The following NOS1 variants were observed in gnomAD, a reference collection of about 807,000 sequenced individuals.
The protein encoded by NOS1 is nitric oxide synthase 1.
NOS1 carries 51 observed loss-of-function variants against 164.5 expected under a neutral mutation model. That is an observed-to-expected ratio of 0.31 (90% CI 0.25 to 0.39). NOS1 has a LOEUF of 0.39. Among genes scored for constraint, NOS1 ranks in the 10% least tolerant of loss-of-function variants. NOS1 has a pLI of 1.00. For missense variants in NOS1, 1,362 were observed against 1,885.6 expected, an observed-to-expected ratio of 0.72 and a Z score of 5.14; for synonymous variants, 719 against 745.8, an observed-to-expected ratio of 0.96 and a Z score of 0.59.
intron 22 of NOS1, among the ~76,000 whole-genome samples, chr12:117,229,592 CTA>C (rs1491112155): frequency 6.6e-6 from 1 of 151,974 alleles, no homozygotes; most frequent in Non-Finnish European, 1.5e-5. Context: ...ATCTATCTAT[CTA>C]TCTATCTATC....
intron 8 of NOS1, among the ~76,000 whole-genome samples, chr12:117,280,522 AG>A (rs1370686054): frequency 3.3e-5 from 5 of 152,184 alleles, no homozygotes; most frequent in African/African-American, 1.2e-4. Context: ...GGGCTGAGTG[AG>A]GTAATGGCAT....
chr12:117,224,422 A>G (rs1217238339), intron 25 of NOS1, among the ~76,000 whole-genome samples: 2 of 151,978 alleles, frequency 1.3e-5, no homozygotes, highest in African/African-American at 2.4e-5. Context: ...AGCAGCTGGG[A>G]CTACATGTGC....
At chr12:117,325,254 C>T (rs114761257) in intron 2 of NOS1, among the ~76,000 whole-genome samples, 4 of 152,150 alleles carry the variant, frequency 2.6e-5, no homozygotes, top group African/African-American at 9.7e-5. Context: ...TCCAGGCAGC[C>T]GTGTGCTCTA....
Position 117,247,494 on chromosome 12 carries a change from C to A in NOS1, c.2677G>T (p.Ala893Ser). The A allele has an allele frequency of 1.2e-6, 2 of 1,611,282 alleles. No individual in the cohort carries two copies. Among genetic ancestry groups the A allele is most frequent in the Non-Finnish European group, 1.7e-6 (2 of 1,178,944 alleles). The stretch of plus-strand genomic sequence containing the variant: ...CCGAAGGCGCAAAAGTGAGGGTATG[C>A]TCGTGAGCCGAGGCCAAAAACTGAG... ...RFSVFGLGSR[A>S]YPHFCAFGHA... is the part of the protein sequence containing the mutation. The change falls in exon 18 of 29, where the codon GCA becomes TCA. Residue 893 changes from alanine to serine, a missense_variant. Physicochemically the swap from Ala to Ser is moderately conservative, Grantham distance 99. Coordinates refer to ENST00000317775, the MANE Select transcript of NOS1 (RefSeq NM_000620.5).
At chr12:117,257,208 G>A (rs1050728499) in intron 16 of NOS1, among the ~76,000 whole-genome samples, 2 of 151,820 alleles carry the variant, frequency 1.3e-5, no homozygotes, top group Non-Finnish European at 1.5e-5. Context: ...CTCAGCCTCT[G>A]GAGTAGCTGG....
intron 23 of NOS1, 136 bp downstream of exon 23, chr12:117,227,295 C>A (rs1160535621): frequency 1.1e-5 from 9 of 805,130 alleles, no homozygotes; most frequent in African/African-American, 1.7e-5. Flanking sequence ...GCTTCTTCCC[C>A]CAGCTTTCTG....
chr12:117,275,153 C>T (rs1004272246), intron 9 of NOS1, among the ~76,000 whole-genome samples: 23 of 151,692 alleles, frequency 1.5e-4, no homozygotes, highest in Admixed American at 3.3e-4. Flanking sequence ...TATATACACA[C>T]ATATATATAT....
chr12:117,273,895 A>AATGCTTCAGCAT (rs149160291), intron 9 of NOS1, among the ~76,000 whole-genome samples: 1 of 151,812 alleles, frequency 6.6e-6, no homozygotes, highest in Non-Finnish European at 1.5e-5. Flanking sequence ...ACATCAGGGA[A>AATGCTTCAGCAT]ATTGGTCTGG....
At chr12:117,348,350 C>T (rs1056893385) in intron 1 of NOS1, 1 of 152,092 alleles carries the variant, frequency 6.6e-6, no homozygotes, top group Non-Finnish European at 1.5e-5. Flanking sequence ...TGACACGTGA[C>T]TCGGTCAAGG....
chr12:117,347,815 C>T (rs1376370012), intron 1 of NOS1, among the ~76,000 whole-genome samples: 4 of 152,136 alleles, frequency 2.6e-5, no homozygotes, highest in Non-Finnish European at 2.9e-5. Flanking sequence ...GCACTTTGCA[C>T]GATCATCTTG....
At chr12:117,361,323 C>T (rs924311583) in intron 1 of NOS1, among the ~76,000 whole-genome samples, 189 bp downstream of exon 1, 3 of 151,330 alleles carry the variant, frequency 2.0e-5, no homozygotes, top group Non-Finnish European at 4.4e-5. Flanking sequence ...GCGCGCGTCC[C>T]TCCCCTTCCC....
intron 3 of NOS1, among the ~76,000 whole-genome samples, chr12:117,307,994 A>AAAT (rs71444617): frequency 0.02 from 2,943 of 149,828 alleles, 89 homozygotes; most frequent in East Asian, 0.17. Flanking sequence ...GTCTCACAAT[A>AAAT]AATAATAATA....
At chr12:117,261,680 T>C (rs1394896282) in intron 13 of NOS1, among the ~76,000 whole-genome samples, 1 of 152,168 alleles carries the variant, frequency 6.6e-6, no homozygotes, top group East Asian at 1.9e-4. Context: ...GGGATGGGCA[T>C]AGTGGCTCAT....
At chr12:117,321,151 A>G (rs1874899135) in intron 2 of NOS1, among the ~76,000 whole-genome samples, 1 of 152,122 alleles carries the variant, frequency 6.6e-6, no homozygotes, top group Admixed American at 6.5e-5. Flanking sequence ...CTGGAATTAC[A>G]GGTGTGTGCC....
chr12:117,289,146 T>C (rs1872889751), intron 4 of NOS1, among the ~76,000 whole-genome samples: 1 of 152,164 alleles, frequency 6.6e-6, no homozygotes, highest in Admixed American at 6.5e-5. Context: ...AATATAATGG[T>C]TTGTTGACTA....
chr12:117,279,078 A>T (rs111532760), intron 8 of NOS1, among the ~76,000 whole-genome samples: 4,208 of 152,002 alleles, frequency 0.028, 199 homozygotes, highest in African/African-American at 0.097. Context: ...TACTATTTCA[A>T]CATTAAAAAT....
intron 24 of NOS1, 60 bp downstream of exon 24, chr12:117,226,623 C>T (rs1868698415): frequency 6.6e-7 from 1 of 1,513,924 alleles, no homozygotes; most frequent in Non-Finnish European, 9.2e-7. Flanking sequence ...CCTACCCCAA[C>T]TTGTGACGTC....
chr12:117,242,462 A>G (rs772728103), intron 20 of NOS1, among the ~76,000 whole-genome samples, 165 bp downstream of exon 20: 3 of 152,166 alleles, frequency 2.0e-5, no homozygotes, highest in Non-Finnish European at 4.4e-5. Flanking sequence ...AGCTAGGCAA[A>G]AGGAAAGCAG....
At chr12:117,224,109 G>A (rs1278468530) in intron 25 of NOS1, among the ~76,000 whole-genome samples, 2 of 152,120 alleles carry the variant, frequency 1.3e-5, no homozygotes, top group African/African-American at 4.8e-5. Flanking sequence ...ACAGTTTCAT[G>A]GGGGCAAGTT....
Sources: gnomAD v4.1 joint callset for allele counts (sites outside exome capture counted in the v4.1 genomes callset) on GRCh38, gnomAD v4.1.1 for gene constraint, MANE v1.5 for transcripts, NCBI Gene and HGNC (gene_info 2026-07-23, HGNC 2026-07-21) for gene names.